Variants in GPRIN3 observed in about 807,000 individuals in gnomAD.
GPRIN3 encodes G protein-regulated inducer of neurite outgrowth 3.
A neutral mutation model predicts 13.7 loss-of-function variants in GPRIN3; 12 were observed. The ratio of observed to expected loss-of-function variants is 0.87; its 90% CI spans 0.56 to 1.42. The LOEUF (loss-of-function observed/expected upper bound fraction) is 1.42. Among genes scored for constraint, GPRIN3 ranks in the 40% most tolerant of loss-of-function variants. GPRIN3 has a pLI of 0.00. For synonymous variants in GPRIN3, 377 were observed against 372.7 expected (o/e 1.01, Z -0.13); for missense variants, 1,009 against 958.7 (o/e 1.05, Z -0.69).
At chr4:89,268,065 T>C (rs1036586561) in intron 1 of GPRIN3, among the ~76,000 whole-genome samples, 2 of 152,228 alleles carry the variant, frequency 1.3e-5, no homozygotes, top group Admixed American at 1.3e-4. Context: ...TGGAAAGCCT[T>C]AATAGCCTCA....
In GPRIN3 at chr4:89,247,724, G is replaced by C; in HGVS notation, c.*56C>G. 3 of 1,506,004 alleles carry C rather than the reference G, an allele frequency of 2.0e-6. No individual in the cohort carries two copies. Among genetic ancestry groups the C allele is most frequent in the Non-Finnish European group, 2.7e-6 (3 of 1,115,100 alleles). 93.3% of individuals were successfully genotyped at this position (1,506,004 alleles called of 1,614,324 possible). Reference sequence around the variant, plus strand: ...AAAAAACTAAGCAAGCTTTGACATAGAGGGACGCATGTGAATACCGTAAAT... The same window carrying C: ...AAAAAACTAAGCAAGCTTTGACATACAGGGACGCATGTGAATACCGTAAAT... On this transcript the variant is annotated 3_prime_UTR_variant, in exon 2 of 2. Transcript: ENST00000609438.
chr4:89,287,871 G>A (rs535679990), intron 1 of GPRIN3, among the ~76,000 whole-genome samples: 81 of 152,256 alleles, frequency 5.3e-4, no homozygotes, highest in Non-Finnish European at 8.5e-4. Flanking sequence ...AAGACTGATA[G>A]GCTGATGCCA....
At chr4:89,269,951 T>C (rs954741408) in intron 1 of GPRIN3, among the ~76,000 whole-genome samples, 1 of 152,228 alleles carries the variant, frequency 6.6e-6, no homozygotes, top group African/African-American at 2.4e-5. Flanking sequence ...TTTCAATGGT[T>C]GGATTAATTT....
chr4:89,250,887 C>A (rs577476970), intron 1 of GPRIN3: 13 of 151,978 alleles, frequency 8.6e-5, no homozygotes, highest in Non-Finnish European at 1.5e-4. Context: ...AGAAAACCTA[C>A]GAATCATAAA....
chr4:89,290,862 C>A (rs567808650), intron 1 of GPRIN3, among the ~76,000 whole-genome samples: 8 of 152,282 alleles, frequency 5.3e-5, no homozygotes, highest in African/African-American at 1.9e-4. Flanking sequence ...CCCATTCACA[C>A]ACAAACAGCA....
rs192785628 is a variant in GPRIN3, at chr4:89,273,501, A to C, written c.-123-23268T>G. On this transcript the variant is annotated intron_variant, in intron 1 of 1. Coordinates refer to ENST00000609438, the MANE Select transcript of GPRIN3 (RefSeq NM_198281.3). ...TCAAGACCAGTTCAAGACCTGGCCAAAATGGTTAAACCCTGTCTCTACTAA... is the reference window on the plus strand; with the variant it reads ...TCAAGACCAGTTCAAGACCTGGCCACAATGGTTAAACCCTGTCTCTACTAA... Among the ~76,000 whole-genome samples, 5 of 152,332 alleles carry C rather than the reference A, an allele frequency of 3.3e-5. No homozygotes were observed. The East Asian group carries it at 9.6e-4, about 29-fold the overall frequency.
intron 1 of GPRIN3, among the ~76,000 whole-genome samples, chr4:89,253,244 T>C (rs1723379875): frequency 6.6e-6 from 1 of 152,166 alleles, no homozygotes; most frequent in East Asian, 1.9e-4. Context: ...ATTGATCCTG[T>C]TACCCTCCAA....
intron 1 of GPRIN3, among the ~76,000 whole-genome samples, chr4:89,288,987 A>T (rs1724498321): frequency 2.6e-5 from 4 of 151,896 alleles, no homozygotes; most frequent in Non-Finnish European, 5.9e-5. Context: ...ACCACTGGTT[A>T]CCTCTCTGAC....
In GPRIN3 at chr4:89,249,954, C is replaced by T. The variant is rs917683305; in HGVS notation, c.157G>A (p.Glu53Lys). 6.2e-7 allele frequency: 1 copy of T among 1,614,106 alleles called. No homozygotes were observed. Among genetic ancestry groups the T allele is most frequent in the Non-Finnish European group, 8.5e-7 (1 of 1,180,034 alleles). Residue 53 changes from glutamate to lysine, a missense_variant, in exon 2 of 2, where the codon GAA becomes AAA. Transcript: ENST00000609438. Reference protein sequence around the residue: ...NANGFSGAPAEPDLSPRAAAE... With the variant: ...NANGFSGAPAKPDLSPRAAAE... Reference sequence around the variant, plus strand: ...GCTGCCCTGGGGCTGAGGTCTGGTTCTGCAGGGGCACCTGAAAAGCCATTG... The same window carrying T: ...GCTGCCCTGGGGCTGAGGTCTGGTTTTGCAGGGGCACCTGAAAAGCCATTG...
At chr4:89,260,205 T>C (rs889754833) in intron 1 of GPRIN3, among the ~76,000 whole-genome samples, 3 of 152,180 alleles carry the variant, frequency 2.0e-5, no homozygotes, top group Non-Finnish European at 4.4e-5. Flanking sequence ...TTCACTGAGA[T>C]GGTGCCTTGG....
intron 1 of GPRIN3, among the ~76,000 whole-genome samples, chr4:89,277,141 A>G (rs1034377036): frequency 2.6e-5 from 4 of 152,112 alleles, no homozygotes; most frequent in Non-Finnish European, 5.9e-5. Context: ...GCCTCAGAAC[A>G]ATCTATTTTC....
intron 1 of GPRIN3, among the ~76,000 whole-genome samples, chr4:89,262,238 T>C (rs530640332): frequency 1.1e-4 from 16 of 151,754 alleles, no homozygotes; most frequent in African/African-American, 3.9e-4. Flanking sequence ...AATTTCAAGA[T>C]ACTGGCATAT....
rs904880794 is a variant in GPRIN3 at position 89,243,475 on chromosome 4, A to G, written c.*4305T>C. On this transcript the variant is annotated 3_prime_UTR_variant, in exon 2 of 2. Transcript: ENST00000609438. Reference sequence around the variant, plus strand: ...AGGGCCACGCACAACATCAGGAAGCATTGCTAACAGAAAACAAAATGCTCA... The same window carrying G: ...AGGGCCACGCACAACATCAGGAAGCGTTGCTAACAGAAAACAAAATGCTCA... 1 of 152,212 alleles carries G rather than the reference A, an allele frequency of 6.6e-6. No individual in the cohort carries two copies. Among genetic ancestry groups the G allele is most frequent in the African/African-American group, 2.4e-5 (1 of 41,454 alleles). The allele number at this position is 152,212 out of a possible 1,614,324, so 9.4% of individuals were successfully genotyped here. A position where few individuals can be genotyped will look rare whatever the true frequency, so the allele number is the denominator to read the frequency against.
chr4:89,262,964 A>G (rs1164813363), intron 1 of GPRIN3, among the ~76,000 whole-genome samples: 2 of 152,250 alleles, frequency 1.3e-5, no homozygotes, highest in African/African-American at 4.8e-5. Context: ...ATTAAGAAAA[A>G]AATGCATTTA....
At chr4:89,293,682 G>T (rs754150878) in intron 1 of GPRIN3, among the ~76,000 whole-genome samples, 9 of 152,268 alleles carry the variant, frequency 5.9e-5, no homozygotes, top group Middle Eastern at 3.4e-3. Flanking sequence ...GTTCTCCCTT[G>T]CTCAGCTCTA....
chr4:89,264,656 G>A (rs1347520377), intron 1 of GPRIN3, among the ~76,000 whole-genome samples: 4 of 152,042 alleles, frequency 2.6e-5, no homozygotes, highest in Admixed American at 6.6e-5. Flanking sequence ...ACAGAATAAG[G>A]GGCAAGATTA....
Position 89,307,764 on chromosome 4 carries a change from G to A in GPRIN3, c.-273C>T, listed in dbSNP as rs1435275158. The A allele has an allele frequency of 6.6e-6, 1 of 152,364 alleles. No homozygotes were observed. Among genetic ancestry groups the A allele is most frequent in the Non-Finnish European group, 1.5e-5 (1 of 68,158 alleles). 9.4% of individuals were successfully genotyped at this position (152,364 alleles called of 1,614,324 possible). Reference sequence around the variant, plus strand: ...AGGTCCTTCTCAGCCCGGTCCCGGAGCGAGCTCCGTGCGTTCAGGAACTGA... The same window carrying A: ...AGGTCCTTCTCAGCCCGGTCCCGGAACGAGCTCCGTGCGTTCAGGAACTGA... On this transcript the variant is annotated 5_prime_UTR_variant, in exon 1 of 2. Transcript: ENST00000609438.
chr4:89,301,197 A>T (rs1724886028), intron 1 of GPRIN3, among the ~76,000 whole-genome samples: 1 of 152,204 alleles, frequency 6.6e-6, no homozygotes, highest in East Asian at 1.9e-4. Flanking sequence ...AAAGGCAAAG[A>T]TCAAACTCCA....
At chr4:89,306,587 A>G (rs957128627) in intron 1 of GPRIN3, among the ~76,000 whole-genome samples, 1 of 152,204 alleles carries the variant, frequency 6.6e-6, no homozygotes, top group African/African-American at 2.4e-5. Flanking sequence ...ATACCCAAGT[A>G]CCGCTTTAAC....
Sources: allele counts gnomAD v4.1 joint callset (sites outside exome capture counted in the v4.1 genomes callset), GRCh38; gene constraint gnomAD v4.1.1; transcripts MANE v1.5; gene names NCBI Gene and HGNC (gene_info 2026-07-23, HGNC 2026-07-21).